TRAF3: variants seen among roughly 807,000 people sequenced by gnomAD.
The protein encoded by TRAF3 is TNF receptor-associated factor 3.
TRAF3 carries 13 observed loss-of-function variants against 62.3 expected under a neutral mutation model. That is an observed-to-expected ratio of 0.21 (90% CI 0.14 to 0.33). The LOEUF (loss-of-function observed/expected upper bound fraction) is 0.33, where lower values mean the gene tolerates loss of function less well. Ranked by LOEUF, TRAF3 falls within the 10% of genes least tolerant of loss-of-function variation. TRAF3 has a pLI of 1.00. For missense variants in TRAF3, 440 were observed against 741.8 expected, an observed-to-expected ratio of 0.59 and a Z score of 4.73; for synonymous variants, 269 against 283.4, an observed-to-expected ratio of 0.95 and a Z score of 0.51.
intron 2 of TRAF3, among the ~76,000 whole-genome samples, chr14:102,844,847 C>G (rs1013286108): frequency 6.6e-6 from 1 of 151,306 alleles, no homozygotes; most frequent in Non-Finnish European, 1.5e-5. Flanking sequence ...TTGAGACCAG[C>G]CTGGGCAACA....
intron 1 of TRAF3, among the ~76,000 whole-genome samples, chr14:102,801,114 G>C (rs1437231329): frequency 6.6e-6 from 1 of 152,190 alleles, no homozygotes; most frequent in Non-Finnish European, 1.5e-5. Context: ...TGCAGTGAGC[G>C]GAGATCGCGC....
At chr14:102,885,263 T>C (rs529601658) in intron 6 of TRAF3, among the ~76,000 whole-genome samples, 1 of 152,338 alleles carries the variant, frequency 6.6e-6, no homozygotes, top group Admixed American at 6.5e-5. Context: ...ACTCTGGCTC[T>C]CAGCAAATCC....
intron 9 of TRAF3, among the ~76,000 whole-genome samples, chr14:102,891,640 A>G (rs979986251): frequency 2.0e-5 from 3 of 152,040 alleles, no homozygotes; most frequent in South Asian, 2.1e-4. Flanking sequence ...TTTAAAGTCA[A>G]TCACATTGTG....
chr14:102,817,416 G>T (rs1424424377), intron 1 of TRAF3, among the ~76,000 whole-genome samples: 1 of 152,082 alleles, frequency 6.6e-6, no homozygotes, highest in Non-Finnish European at 1.5e-5. Context: ...GAGTGGGGGT[G>T]CTGGGGACAC....
chr14:102,801,700 A>T (rs547010955), intron 1 of TRAF3, among the ~76,000 whole-genome samples: 1 of 152,104 alleles, frequency 6.6e-6, no homozygotes, highest in South Asian at 2.1e-4. Context: ...ACACCTGCTT[A>T]ATTTAAAAAA....
intron 1 of TRAF3, among the ~76,000 whole-genome samples, chr14:102,803,690 C>T (rs1174451889): frequency 6.6e-6 from 1 of 151,884 alleles, no homozygotes; most frequent in African/African-American, 2.4e-5. Flanking sequence ...GGTGTGCACC[C>T]TGCACCCAGC....
At chr14:102,899,645 A>G (rs1033676925) in intron 10 of TRAF3, among the ~76,000 whole-genome samples, 4 of 152,036 alleles carry the variant, frequency 2.6e-5, no homozygotes. Context: ...CAGCTAGGTG[A>G]TGAGGGCACA....
At chr14:102,789,269 A>C (rs527285767) in intron 1 of TRAF3, among the ~76,000 whole-genome samples, 2 of 152,288 alleles carry the variant, frequency 1.3e-5, no homozygotes, top group South Asian at 2.1e-4. Flanking sequence ...TCATTTGTTC[A>C]TGGGCATTTG....
intron 1 of TRAF3, 143 bp downstream of exon 1, chr14:102,777,818 C>T (rs960703380): frequency 3.4e-5 from 5 of 145,636 alleles, no homozygotes; most frequent in African/African-American, 1.2e-4. Context: ...CAGGCCCGGC[C>T]CGTCCCAGCG....
At chr14:102,819,393 G>C (rs1048799237) in intron 1 of TRAF3, among the ~76,000 whole-genome samples, 2 of 152,146 alleles carry the variant, frequency 1.3e-5, no homozygotes, top group Non-Finnish European at 2.9e-5. Context: ...GTCACCTCAC[G>C]GTCTTCCCCT....
At chr14:102,782,672 A>G (rs987451928) in intron 1 of TRAF3, among the ~76,000 whole-genome samples, 3 of 151,440 alleles carry the variant, frequency 2.0e-5, no homozygotes, top group Non-Finnish European at 2.9e-5. Flanking sequence ...CTTTTTTACT[A>G]CGATTTGTTC....
intron 1 of TRAF3, among the ~76,000 whole-genome samples, chr14:102,796,215 A>G (rs769849938): frequency 1.3e-5 from 2 of 152,250 alleles, no homozygotes; most frequent in Non-Finnish European, 2.9e-5. Flanking sequence ...GACTGTCTCA[A>G]AAACAAACAA....
At chr14:102,807,870 T>C (rs541746731) in intron 1 of TRAF3, among the ~76,000 whole-genome samples, 12 of 152,256 alleles carry the variant, frequency 7.9e-5, no homozygotes, top group Non-Finnish European at 2.9e-5. Flanking sequence ...GGTGAGTTAG[T>C]TGGCCTTTTT....
intron 2 of TRAF3, among the ~76,000 whole-genome samples, chr14:102,849,485 A>C (rs1886910506): frequency 6.6e-6 from 1 of 152,278 alleles, no homozygotes. Flanking sequence ...AACTCTTATG[A>C]ACCAAGGGAT....
intron 2 of TRAF3, among the ~76,000 whole-genome samples, chr14:102,861,797 A>G (rs1887694282): frequency 6.6e-6 from 1 of 152,212 alleles, no homozygotes. Flanking sequence ...TCTTAATGAT[A>G]TTGATATTGG....
intron 1 of TRAF3, among the ~76,000 whole-genome samples, chr14:102,791,119 A>C (rs1037074623): frequency 1.3e-5 from 2 of 149,706 alleles, no homozygotes; most frequent in Admixed American, 1.4e-4. Flanking sequence ...TCCCGGGTTC[A>C]TGCCATTCTC....
chr14:102,827,041 C>T (rs1900360917), intron 1 of TRAF3, among the ~76,000 whole-genome samples: 1 of 152,214 alleles, frequency 6.6e-6, no homozygotes, highest in South Asian at 2.1e-4. Context: ...CGTGCAAGGT[C>T]CCCTTGCAGA....
intron 2 of TRAF3, among the ~76,000 whole-genome samples, chr14:102,852,365 G>A (rs1162968837): frequency 2.6e-5 from 4 of 152,106 alleles, no homozygotes; most frequent in Admixed American, 2.6e-4. Context: ...CTTTGCTTTT[G>A]GAGCTGTACT....
At chr14:102,870,665 C>T (rs944962530) in intron 3 of TRAF3, among the ~76,000 whole-genome samples, 26 of 152,290 alleles carry the variant, frequency 1.7e-4, no homozygotes, top group Admixed American at 2.6e-4. Context: ...CTGCCCCGCC[C>T]GTGTCTTCCC....
Sources: gnomAD v4.1 joint callset for allele counts (sites outside exome capture counted in the v4.1 genomes callset) on GRCh38, gnomAD v4.1.1 for gene constraint, MANE v1.5 for transcripts, NCBI Gene and HGNC (gene_info 2026-07-23, HGNC 2026-07-21) for gene names.